Variants in NTM observed in about 807,000 individuals in gnomAD.
The protein encoded by NTM is IgLON family member 2.
Under a neutral mutation model 42.1 loss-of-function variants are expected in NTM, and 13 were observed. The ratio of observed to expected loss-of-function variants is 0.31; its 90% CI spans 0.20 to 0.49. NTM has a LOEUF of 0.49. Among genes scored for constraint, NTM ranks in the 20% least tolerant of loss-of-function variants. The pLI is 0.99. For missense variants in NTM, 373 were observed against 452.8 expected (o/e 0.82, Z 1.60); for synonymous variants, 187 against 179.2 (o/e 1.04, Z -0.35).
intron 1 of NTM, among the ~76,000 whole-genome samples, chr11:131,875,237 C>T (rs887563620): frequency 6.6e-6 from 1 of 151,812 alleles, no homozygotes; most frequent in Admixed American, 6.6e-5. Context: ...ATACATTGGG[C>T]TTCCTGGAAA....
At chr11:132,183,335 T>G (rs939542523) in intron 3 of NTM, among the ~76,000 whole-genome samples, 2 of 152,134 alleles carry the variant, frequency 1.3e-5, no homozygotes, top group Non-Finnish European at 2.9e-5. Flanking sequence ...AGGCTCAGCA[T>G]TTGAGGGCCT....
intron 1 of NTM, among the ~76,000 whole-genome samples, chr11:131,473,484 G>A (rs1247432527): frequency 6.6e-6 from 1 of 152,058 alleles, no homozygotes; most frequent in Non-Finnish European, 1.5e-5. Context: ...TCTGCTCCTG[G>A]CAATACCACA....
intron 4 of NTM, among the ~76,000 whole-genome samples, chr11:132,239,656 T>C (rs868223556): frequency 3.9e-5 from 6 of 152,182 alleles, no homozygotes; most frequent in South Asian, 2.1e-4. Flanking sequence ...ACATCTTCCC[T>C]CCCAAACCTT....
chr11:131,525,275 A>C (rs403582), intron 1 of NTM, among the ~76,000 whole-genome samples: 69,736 of 151,938 alleles, frequency 0.46, 17,237 homozygotes, highest in African/African-American at 0.65. Flanking sequence ...GTGGGTGCTG[A>C]CCCCGGTGCC....
In NTM at chr11:131,556,654, G is replaced by A. The variant is rs180923074; in HGVS notation, c.82+185766G>A. ...GTGATCTCGGCTCATTGAAACCTTC[G>A]CCTCCCAGGTTTAAGTGATTCTTCT... On this transcript the variant is annotated intron_variant, in intron 1 of 8. Coordinates refer to ENST00000683400, the MANE Select transcript of NTM (RefSeq NM_001352005.2). Among the ~76,000 whole-genome samples the A allele has an allele frequency of 2.6e-3, 371 of 140,122 alleles. 2 individuals are homozygous for A. Among genetic ancestry groups the A allele is most frequent in the Non-Finnish European group, 3.6e-3 (235 of 65,678 alleles). The allele number at this position is 140,122 out of a possible 152,430, so 91.9% of individuals were successfully genotyped here. A position where few individuals can be genotyped will look rare whatever the true frequency, so the allele number is the denominator to read the frequency against.
At chr11:132,071,419 CACTG>C (rs1594347648) in intron 2 of NTM, among the ~76,000 whole-genome samples, 1 of 152,142 alleles carries the variant, frequency 6.6e-6, no homozygotes, top group African/African-American at 2.4e-5. Flanking sequence ...TAACACGTCA[CACTG>C]ACCACCACCG....
At chr11:132,316,176 A>G (rs998763296) in intron 7 of NTM, among the ~76,000 whole-genome samples, 1 of 136,918 alleles carries the variant, frequency 7.3e-6, no homozygotes, top group African/African-American at 2.8e-5. Context: ...TGGTTCAGCC[A>G]TTGGCTTTAT....
chr11:131,852,905 T>TCCATCCATCCATCCACCCAC (rs1565631096), intron 1 of NTM, among the ~76,000 whole-genome samples: 16 of 142,278 alleles, frequency 1.1e-4, no homozygotes, highest in South Asian at 6.7e-4. Flanking sequence ...CACCCACCCA[T>TCCATCCATCCATCCACCCAC]CCATCCATCC....
chr11:131,778,206 A>G (rs1293074492), intron 1 of NTM, among the ~76,000 whole-genome samples: 2 of 152,234 alleles, frequency 1.3e-5, no homozygotes, highest in Non-Finnish European at 2.9e-5. Context: ...CAACCTCTAC[A>G]TGTAGCTGAA....
chr11:132,268,666 C>CTGTG (rs755450370), intron 4 of NTM, among the ~76,000 whole-genome samples: 1,158 of 87,998 alleles, frequency 0.013, 7 homozygotes, highest in African/African-American at 0.036. Context: ...TCCTCTCTCT[C>CTGTG]TCTCTGTGTG....
At chr11:131,444,203 C>CAAAAAAAAAAAAAAAA (rs71475757) in intron 1 of NTM, among the ~76,000 whole-genome samples, 2 of 49,516 alleles carry the variant, frequency 4.0e-5, no homozygotes, top group Admixed American at 3.3e-4. Flanking sequence ...AGGTTAGAAC[C>CAAAAAAAAAAAAAAAA]AAAAAAAAAA....
chr11:131,594,632 C>G (rs1338917261), intron 1 of NTM, among the ~76,000 whole-genome samples: 1 of 152,110 alleles, frequency 6.6e-6, no homozygotes, highest in African/African-American at 2.4e-5. Flanking sequence ...CTACGGGGCT[C>G]AAGCCGTCCT....
intron 3 of NTM, among the ~76,000 whole-genome samples, chr11:132,152,990 C>T (rs569028364): frequency 2.0e-4 from 30 of 152,310 alleles, no homozygotes; most frequent in African/African-American, 6.3e-4. Context: ...TTCACACCCA[C>T]TCATAGAGAA....
intron 2 of NTM, among the ~76,000 whole-genome samples, chr11:131,980,026 G>A (rs2065005392): frequency 6.6e-6 from 1 of 152,174 alleles, no homozygotes. Context: ...GCACCTTGTA[G>A]ATGCACAACG....
At chr11:131,587,688 A>C (rs1278614291) in intron 1 of NTM, among the ~76,000 whole-genome samples, 1 of 152,210 alleles carries the variant, frequency 6.6e-6, no homozygotes, top group East Asian at 1.9e-4. Context: ...ACACACCTGC[A>C]TGAGTGGAAT....
At chr11:131,804,359 C>T (rs2092357803) in intron 1 of NTM, among the ~76,000 whole-genome samples, 1 of 152,140 alleles carries the variant, frequency 6.6e-6, no homozygotes, top group East Asian at 1.9e-4. Context: ...TACGGCCACA[C>T]TCATAAGTGT....
chr11:131,606,993 G>A (rs141012277), intron 1 of NTM, among the ~76,000 whole-genome samples: 118 of 152,272 alleles, frequency 7.7e-4, no homozygotes, highest in African/African-American at 2.7e-3. Context: ...AGCCCCCATC[G>A]TGATCATCTG....
At chr11:131,934,138 T>A (rs2058956649) in intron 2 of NTM, among the ~76,000 whole-genome samples, 1 of 152,204 alleles carries the variant, frequency 6.6e-6, no homozygotes, top group Non-Finnish European at 1.5e-5. Context: ...AATTACTGAT[T>A]TTTAAGAAGC....
chr11:131,648,199 T>C (rs1054355538), intron 1 of NTM, among the ~76,000 whole-genome samples: 1 of 152,216 alleles, frequency 6.6e-6, no homozygotes, highest in Admixed American at 6.5e-5. Context: ...TGTTCTTTTT[T>C]ATGGCTGCAT....
Sources: allele counts gnomAD v4.1 joint callset (sites outside exome capture counted in the v4.1 genomes callset), GRCh38; gene constraint gnomAD v4.1.1; transcripts MANE v1.5; gene names NCBI Gene and HGNC (gene_info 2026-07-23, HGNC 2026-07-21).